Variants in HTR7 observed in about 807,000 individuals in gnomAD.
HTR7 encodes 5-HT-7.
Under a neutral mutation model 34.0 loss-of-function variants are expected in HTR7, and 16 were observed. That is an observed-to-expected ratio of 0.47 (90% CI 0.32 to 0.71). The LOEUF is 0.71. HTR7 is among the 30% of genes least tolerant of loss of function. The pLI is 0.04. For synonymous variants in HTR7, 265 were observed against 260.2 expected (o/e 1.02, Z -0.18); for missense variants, 504 against 625.5 (o/e 0.81, Z 2.07).
intron 1 of HTR7, among the ~76,000 whole-genome samples, chr10:90,841,162 T>C (rs1846323165): frequency 6.6e-6 from 1 of 152,194 alleles, no homozygotes; most frequent in Non-Finnish European, 1.5e-5. Context: ...TTCTCATCTG[T>C]AAAACAGCGA....
intron 1 of HTR7, among the ~76,000 whole-genome samples, chr10:90,760,706 C>A (rs1297753187): frequency 6.6e-6 from 1 of 151,986 alleles, no homozygotes; most frequent in Non-Finnish European, 1.5e-5. Context: ...ATGGTGAAAC[C>A]CCATCTGTAC....
intron 1 of HTR7, among the ~76,000 whole-genome samples, chr10:90,823,534 G>T (rs1236985176): frequency 4.6e-5 from 7 of 152,188 alleles, no homozygotes; most frequent in Non-Finnish European, 8.8e-5. Context: ...GAAGGGACTT[G>T]CCTTGTTTCA....
intron 1 of HTR7, among the ~76,000 whole-genome samples, chr10:90,845,167 G>A (rs1294978471): frequency 1.3e-5 from 2 of 152,188 alleles, no homozygotes; most frequent in East Asian, 1.9e-4. Context: ...TCAACTGGGT[G>A]CAAACTGATG....
chr10:90,856,344 C>T (rs181541025), intron 1 of HTR7, among the ~76,000 whole-genome samples: 16 of 152,276 alleles, frequency 1.1e-4, no homozygotes, highest in African/African-American at 3.6e-4. Context: ...ATTTCAAAAG[C>T]CTGTAACCTT....
chr10:90,806,171 G>T (rs1419377070), intron 1 of HTR7, among the ~76,000 whole-genome samples: 6 of 152,124 alleles, frequency 3.9e-5, no homozygotes, highest in Non-Finnish European at 4.4e-5. Flanking sequence ...GCTACATAAA[G>T]ATTTCTTCAA....
chr10:90,813,313 G>GGAGGTCAA (rs1160044814), intron 1 of HTR7, among the ~76,000 whole-genome samples: 1 of 152,126 alleles, frequency 6.6e-6, no homozygotes, highest in Non-Finnish European at 1.5e-5. Context: ...CCTGAGGTCA[G>GGAGGTCAA]GAGGTCAAGA....
chr10:90,828,958 C>G (rs920025039), intron 1 of HTR7, among the ~76,000 whole-genome samples: 2 of 151,706 alleles, frequency 1.3e-5, no homozygotes, highest in African/African-American at 4.8e-5. Context: ...AAAAAAAGTA[C>G]AGGCTAATAT....
In HTR7 at chr10:90,835,503, A is replaced by C. The variant is rs142459670; in HGVS notation, c.539+21630T>G. Among the ~76,000 whole-genome samples the C allele has an allele frequency of 1.1e-4, 16 of 152,300 alleles. No individual in the cohort carries two copies. The East Asian group carries it at 3.1e-3, about 29-fold the overall frequency. On this transcript the variant is annotated intron_variant, in intron 1 of 3. Transcript: ENST00000336152. Reference sequence around the variant, plus strand: ...GGTGCAGCTTCTATGTCTCTCTTTCATATTCCTCTGCCTACCTGTTTTATA... The same window carrying C: ...GGTGCAGCTTCTATGTCTCTCTTTCCTATTCCTCTGCCTACCTGTTTTATA...
At chr10:90,835,585 C>A (rs1846242028) in intron 1 of HTR7, among the ~76,000 whole-genome samples, 1 of 152,192 alleles carries the variant, frequency 6.6e-6, no homozygotes, top group African/African-American at 2.4e-5. Flanking sequence ...TTCATTCATT[C>A]ACTCAACCAC....
At chr10:90,830,286 A>G (rs1277865726) in intron 1 of HTR7, among the ~76,000 whole-genome samples, 1 of 152,228 alleles carries the variant, frequency 6.6e-6, no homozygotes, top group Admixed American at 6.5e-5. Flanking sequence ...TGCAATTATT[A>G]AAGAACAAAA....
chr10:90,825,775 G>T (rs1250151211), intron 1 of HTR7, among the ~76,000 whole-genome samples: 10 of 152,146 alleles, frequency 6.6e-5, no homozygotes, highest in Non-Finnish European at 1.5e-5. Context: ...GAATTAGTGA[G>T]CTTGAAGACA....
At chr10:90,831,544 G>A (rs1280639456) in intron 1 of HTR7, among the ~76,000 whole-genome samples, 3 of 152,188 alleles carry the variant, frequency 2.0e-5, no homozygotes, top group African/African-American at 7.2e-5. Context: ...AAAACACATT[G>A]CTTCCAAACT....
intron 1 of HTR7, among the ~76,000 whole-genome samples, chr10:90,797,831 A>G (rs1370861286): frequency 6.6e-6 from 1 of 152,218 alleles, no homozygotes; most frequent in Non-Finnish European, 1.5e-5. Flanking sequence ...AAGAAAATAC[A>G]TTTATTTCTT....
intron 1 of HTR7, among the ~76,000 whole-genome samples, chr10:90,840,818 T>TAG (rs1846318287): frequency 6.6e-6 from 1 of 152,226 alleles, no homozygotes; most frequent in Non-Finnish European, 1.5e-5. Flanking sequence ...ATGTCATAGA[T>TAG]GACTATCCTG....
intron 1 of HTR7, among the ~76,000 whole-genome samples, chr10:90,799,961 G>A (rs1437111078): frequency 6.6e-6 from 1 of 152,126 alleles, no homozygotes; most frequent in East Asian, 1.9e-4. Context: ...ATAAAGAACT[G>A]CTACAATTCA....
At chr10:90,849,082 C>T (rs1006274476) in intron 1 of HTR7, among the ~76,000 whole-genome samples, 7 of 152,186 alleles carry the variant, frequency 4.6e-5, no homozygotes, top group Non-Finnish European at 1.0e-4. Flanking sequence ...TACTGACACA[C>T]AGGTGTATTA....
intron 1 of HTR7, among the ~76,000 whole-genome samples, chr10:90,817,979 T>C (rs1226111621): frequency 6.6e-6 from 1 of 152,238 alleles, no homozygotes; most frequent in Non-Finnish European, 1.5e-5. Flanking sequence ...ACATATTTTA[T>C]GAGTCTATTT....
chr10:90,850,288 A>G (rs12259062), intron 1 of HTR7, among the ~76,000 whole-genome samples: 74,254 of 152,202 alleles, frequency 0.49, 21,645 homozygotes, highest in African/African-American at 0.83. Context: ...TCATTGGGCT[A>G]AAATCCTAAG....
chr10:90,755,280 G>A (rs1844818331), intron 1 of HTR7, among the ~76,000 whole-genome samples: 1 of 152,138 alleles, frequency 6.6e-6, no homozygotes, highest in Non-Finnish European at 1.5e-5. Context: ...TGCTAAATGA[G>A]ATATGTGTGG....
Sources: allele counts gnomAD v4.1 joint callset (sites outside exome capture counted in the v4.1 genomes callset), GRCh38; gene constraint gnomAD v4.1.1; transcripts MANE v1.5; gene names NCBI Gene and HGNC (gene_info 2026-07-23, HGNC 2026-07-21).